CALD1: variants seen among roughly 807,000 people sequenced by gnomAD.
CALD1 encodes the protein caldesmon 1.
Under a neutral mutation model 99.9 loss-of-function variants are expected in CALD1, and 33 were observed. The ratio of observed to expected loss-of-function variants is 0.33; its 90% CI spans 0.25 to 0.44. CALD1 has a LOEUF of 0.44. CALD1 is among the 20% of genes least tolerant of loss of function. CALD1 has a pLI of 1.00. For synonymous variants in CALD1, 310 were observed against 325.0 expected (o/e 0.95, Z 0.50); for missense variants, 861 against 962.1 (o/e 0.89, Z 1.39).
At chr7:134,727,772 A>G in the CALD1 span, among the ~76,000 whole-genome samples, 1 of 152,162 alleles carries the variant, frequency 6.6e-6, no homozygotes, top group Admixed American at 6.5e-5. Flanking sequence ...CTTCTCACAT[A>G]GTACAAGTGA....
intron 7 of CALD1, among the ~76,000 whole-genome samples, chr7:134,944,067 CAAAG>C (rs1806664889): frequency 6.6e-6 from 1 of 152,024 alleles, no homozygotes; most frequent in Non-Finnish European, 1.5e-5. Flanking sequence ...ATGATGAACA[CAAAG>C]AGAGAGCAAA....
chr7:134,770,707 T>C (rs2131627989), intron 1 of CALD1, among the ~76,000 whole-genome samples: 1 of 152,332 alleles, frequency 6.6e-6, no homozygotes, highest in Admixed American at 6.5e-5. Context: ...CCAAATAAGG[T>C]CCTATATGTT....
intron 9 of CALD1, among the ~76,000 whole-genome samples, chr7:134,954,237 ATATGCAATAAAGAATAGATTTTAAG>A (rs1807596003): frequency 6.6e-6 from 1 of 152,202 alleles, no homozygotes; most frequent in Non-Finnish European, 1.5e-5. Context: ...ACTGATTTTC[ATATGCAATAAAGAATAGATTTTAAG>A]TAAATTAAAT....
At chr7:134,878,313 A>C (rs986563603) in intron 3 of CALD1, among the ~76,000 whole-genome samples, 1 of 152,166 alleles carries the variant, frequency 6.6e-6, no homozygotes, top group African/African-American at 2.4e-5. Context: ...TCCTGCGTGT[A>C]ATGTCAGCAC....
At chr7:134,762,869 T>C (rs974418245) in intron 1 of CALD1, among the ~76,000 whole-genome samples, 10 of 152,278 alleles carry the variant, frequency 6.6e-5, no homozygotes, top group East Asian at 1.9e-4. Flanking sequence ...TATAGGGTTC[T>C]GAAAGTAAGA....
intron 1 of CALD1, among the ~76,000 whole-genome samples, chr7:134,793,821 T>G (rs1485769607): frequency 8.1e-6 from 1 of 122,910 alleles, no homozygotes; most frequent in Non-Finnish European, 1.7e-5. Flanking sequence ...TATGTACCAT[T>G]TTTTTTTTTT....
At chr7:134,776,819 A>G (rs1796922426), upstream of CALD1, among the ~76,000 whole-genome samples, 2 of 152,198 alleles carry the variant, frequency 1.3e-5, no homozygotes, top group African/African-American at 4.8e-5. Flanking sequence ...GCCTATTTTT[A>G]CTTTTCCCAA....
intron 5 of CALD1, 119 bp from the exon 6 acceptor site, chr7:134,935,569 G>C (rs1002290359): frequency 1.4e-6 from 2 of 1,478,914 alleles, no homozygotes; most frequent in African/African-American, 2.9e-5. Flanking sequence ...GCGCTGAGAC[G>C]GCAGAAGAGA....
intron 1 of CALD1, among the ~76,000 whole-genome samples, chr7:134,819,627 C>T (rs757300056): frequency 6.6e-6 from 1 of 152,212 alleles, no homozygotes; most frequent in Non-Finnish European, 1.5e-5. Context: ...GTATTGAAAT[C>T]ATCTCTACCA....
chr7:134,859,109 C>T (rs1007019878), intron 2 of CALD1, among the ~76,000 whole-genome samples: 5 of 152,276 alleles, frequency 3.3e-5, no homozygotes, highest in South Asian at 2.1e-4. Flanking sequence ...AATATATTTT[C>T]GCCATAACCC....
In CALD1 at chr7:134,887,177, T is replaced by C. The variant is rs1342847048; in HGVS notation, c.71+19373T>C. ...AGGATGAGGAGTAAACTGTGATTTT[T>C]CCACAGCAGCTCCTGCATTCAAGAT... On this transcript the variant is annotated intron_variant, in intron 3 of 14. Coordinates refer to ENST00000361675, the MANE Select transcript of CALD1 (RefSeq NM_033138.4). Among the ~76,000 whole-genome samples the C allele has an allele frequency of 4.6e-5, 7 of 152,138 alleles. No homozygotes were observed. The East Asian group carries it at 5.8e-4, about 13-fold the overall frequency.
At chr7:134,962,892 C>G in intron 13 of CALD1, 1 of 456,684 alleles carries the variant, frequency 2.2e-6, no homozygotes, top group South Asian at 1.5e-5. Flanking sequence ...ATTTCTCCCT[C>G]TTCTTCCGGA....
intron 2 of CALD1, among the ~76,000 whole-genome samples, chr7:134,862,843 TATA>T (rs1203052306): frequency 2.0e-5 from 3 of 152,242 alleles, no homozygotes; most frequent in African/African-American, 7.2e-5. Context: ...CTAGTTGGTC[TATA>T]ATAACAGTAA....
At position 134,933,304 on chromosome 7, in the gene CALD1, G is replaced by C. The variant is rs751160026; in HGVS notation, c.535G>C (p.Asp179His). 2 of 1,604,378 alleles carry C rather than the reference G, an allele frequency of 1.2e-6. No individual in the cohort carries two copies. The highest frequency in any genetic ancestry group is 1.1e-5 in the South Asian group (1 of 89,190). ...GTCCTACCAGAAGAATGATTGGAGG[G>C]ATGCTGAAGAAAACAAGAAAGAAGA... ...TKSYQKNDWR[D>H]AEENKKEDKE... Residue 179 changes from aspartate to histidine, a missense_variant, in exon 5 of 15, where the codon GAT becomes CAT. Around this residue, in one of 5 missense-constraint regions of CALD1, gnomAD observed 234 missense variants for 233.1 expected, o/e 1.00. Transcript: ENST00000361675.
intron 1 of CALD1, among the ~76,000 whole-genome samples, chr7:134,786,729 C>G (rs1177493076): frequency 6.6e-6 from 1 of 152,156 alleles, no homozygotes; most frequent in Non-Finnish European, 1.5e-5. Flanking sequence ...AGTTCCAAAA[C>G]ACACAGCTCC....
intron 2 of CALD1, among the ~76,000 whole-genome samples, chr7:134,865,061 T>G (rs1214276816): frequency 1.3e-5 from 2 of 152,122 alleles, no homozygotes; most frequent in African/African-American, 4.8e-5. Flanking sequence ...CATCCCTTCA[T>G]TGGTTGAGAG....
intron 3 of CALD1, among the ~76,000 whole-genome samples, chr7:134,914,266 G>A (rs896933631): frequency 6.6e-6 from 1 of 152,172 alleles, no homozygotes; most frequent in Non-Finnish European, 1.5e-5. Flanking sequence ...TCTGAAAAAT[G>A]TAAAGTCACA....
intron 3 of CALD1, among the ~76,000 whole-genome samples, chr7:134,901,920 G>T (rs1309525158): frequency 1.3e-5 from 2 of 152,050 alleles, no homozygotes; most frequent in East Asian, 3.9e-4. Context: ...CAAATATTCT[G>T]TTTCCAAATC....
chr7:134,868,643 T>TA (rs1800915270), intron 3 of CALD1, among the ~76,000 whole-genome samples: 1 of 152,192 alleles, frequency 6.6e-6, no homozygotes, highest in Non-Finnish European at 1.5e-5. Context: ...ACTGGAAACT[T>TA]ACACCTATAA....
Sources: allele counts gnomAD v4.1 joint callset (sites outside exome capture counted in the v4.1 genomes callset), GRCh38; gene constraint gnomAD v4.1.1; regional missense constraint gnomAD v4.1.1; transcripts MANE v1.5; gene names NCBI Gene and HGNC (gene_info 2026-07-23, HGNC 2026-07-21).